Variants in RING1 observed in about 807,000 individuals in gnomAD.
RING1 encodes the protein ring finger protein 1, also known as E3 ubiquitin-protein ligase RING1.
A neutral mutation model predicts 35.0 loss-of-function variants in RING1; 8 were observed. The ratio of observed to expected loss-of-function variants is 0.23; its 90% CI spans 0.13 to 0.41. The LOEUF (loss-of-function observed/expected upper bound fraction) is 0.41, where lower values mean the gene tolerates loss of function less well. RING1 is among the 10% of genes least tolerant of loss of function. The probability of loss-of-function intolerance (pLI) is 1.00; values close to 1 mark genes in which losing one functional copy is unlikely to be tolerated. For missense variants in RING1, 343 were observed against 546.8 expected (o/e 0.63, Z 3.72); for synonymous variants, 214 against 224.3 (o/e 0.95, Z 0.41).
intron 4 of RING1, among the ~76,000 whole-genome samples, chr6:33,210,341 C>T (rs1277488695): frequency 1.3e-5 from 2 of 152,206 alleles, no homozygotes; most frequent in Non-Finnish European, 2.9e-5. Context: ...TGACTCACAT[C>T]TGTAATCCCA....
In RING1 at chr6:33,208,512, C is replaced by T. The variant is rs1775285444; in HGVS notation, c.-191C>T. On this transcript the variant is annotated 5_prime_UTR_variant, in exon 1 of 7. Coordinates refer to ENST00000374656, the MANE Select transcript of RING1 (RefSeq NM_002931.4). This position sits in a 1 kb window ranked among gnomAD's most constrained non-coding sequence, Gnocchi z 6.2. ...AGGCGGAAGTGACGTAGGGCCCCAG[C>T]GCCCGGGCCATGGCGGCGGCGGTGG... is the stretch of plus-strand genomic sequence containing the variant. The T allele has an allele frequency of 4.7e-6, 2 of 422,318 alleles. No homozygotes were observed. Among genetic ancestry groups the T allele is most frequent in the Non-Finnish European group, 8.3e-6 (2 of 241,568 alleles). The allele number at this position is 422,318 out of a possible 1,614,324, so 26.2% of individuals were successfully genotyped here.
chr6:33,211,754 A>G lies in RING1; in HGVS notation c.871A>G (p.Thr291Ala). ...GTATGTGAAGACAACTGGGAATGCC[A>G]CAGTGGACCACCTCTCCAAGTACTT... ...TRYVKTTGNA[T>A]VDHLSKYLAL... is the part of the protein sequence containing the mutation. The change falls in exon 6 of 7, where the codon ACA becomes GCA. Residue 291 changes from threonine (T) to alanine (A), a missense_variant. By Grantham distance (58) the Thr-to-Ala change is moderately conservative (BLOSUM62 0). This residue lies in a region of RING1 where 278 missense variants were observed against 383.5 expected (regional missense o/e 0.72). Transcript: ENST00000374656. The surrounding 1 kb of genome is among the most constrained non-coding windows in gnomAD (Gnocchi z 6.3). 6.4e-7 allele frequency: 1 copy of G among 1,553,778 alleles called. No homozygotes were observed. The highest frequency in any genetic ancestry group is 1.9e-5 in the Admixed American group (1 of 52,640).
At position 33,211,439 on chromosome 6, in the gene RING1, C is replaced by T. The variant is rs1775530041; in HGVS notation, c.737C>T (p.Pro246Leu). The T allele has an allele frequency of 6.3e-7, 1 of 1,583,968 alleles. No homozygotes were observed. The highest frequency in any genetic ancestry group is 1.1e-5 in the South Asian group (1 of 88,578). ...ACTCTGGGAGGGGGAACGCTGGGCC[C>T]CCCAAGCCCTCCTGGGGCCCCCAGC... The part of the protein sequence containing the change: ...GGTLGGGTLG[P>L]PSPPGAPSPP... Residue 246 changes from proline (P) to leucine (L), a missense_variant, in exon 5 of 7, where the codon CCC becomes CTC. Physicochemically the swap from Pro to Leu is moderately conservative, Grantham distance 98 (BLOSUM62 -3). Transcript: ENST00000374656. This position sits in a 1 kb window ranked among gnomAD's most constrained non-coding sequence, Gnocchi z 6.3.
chr6:33,211,461 C>T lies in RING1; in HGVS notation c.759C>T (p.Pro253=). The change falls in exon 5 of 7, where the codon CCC becomes CCT. Residue 253 remains proline, a synonymous_variant. Transcript: ENST00000374656. This position sits in a 1 kb window ranked among gnomAD's most constrained non-coding sequence, Gnocchi z 6.3. ...TLGPPSPPGA[P]SPPEPGGEIE... ...GCCCCCCAAGCCCTCCTGGGGCCCC[C>T]AGCCCCCCAGAGCCAGGTGGAGAAA... The T allele has an allele frequency of 6.2e-7, 1 of 1,600,014 alleles. No individual in the cohort carries two copies. The highest frequency in any genetic ancestry group is 8.5e-7 in the Non-Finnish European group (1 of 1,172,776).
rs1161594357 is a variant in RING1 at position 33,211,976 on chromosome 6, A to G, written c.1093A>G (p.Ile365Val). Residue 365 changes from isoleucine (I) to valine (V), a missense_variant, in exon 6 of 7, where the codon ATC becomes GTC. Coordinates refer to ENST00000374656, the MANE Select transcript of RING1 (RefSeq NM_002931.4). This position sits in a 1 kb window ranked among gnomAD's most constrained non-coding sequence, Gnocchi z 6.3. ...GVSEKQYTIY[I>V]APGGGAFTTL... The stretch of plus-strand genomic sequence containing the variant: ...CAGTGAAAAGCAGTACACCATCTAC[A>G]TCGCACCTGGAGGCGGGGCGTTCAC... 6 of 1,558,052 alleles carry G rather than the reference A, an allele frequency of 3.9e-6. No homozygotes were observed. Among genetic ancestry groups the G allele is most frequent in the East Asian group, 2.3e-5 (1 of 43,106 alleles).
chr6:33,211,873 T>A lies in RING1; in HGVS notation c.990T>A (p.Asp330Glu), dbSNP rs1775562610. 1 of 1,472,960 alleles carries A rather than the reference T, an allele frequency of 6.8e-7. No homozygotes were observed. Among genetic ancestry groups the A allele is most frequent in the African/African-American group, 1.4e-5 (1 of 70,360 alleles). 91.2% of individuals were successfully genotyped at this position (1,472,960 alleles called of 1,614,324 possible). Reference sequence around the variant, plus strand: ...GCGCCTCTGACACCGGAGGACCTGATGGGTGTGGCGGGGAGGGTGGGGGTG... The same window carrying A: ...GCGCCTCTGACACCGGAGGACCTGAAGGGTGTGGCGGGGAGGGTGGGGGTG... ...GGGASDTGGP[D>E]GCGGEGGGAG... Residue 330 changes from aspartate (D) to glutamate (E), a missense_variant, in exon 6 of 7, where the codon GAT becomes GAA. Transcript: ENST00000374656. The surrounding 1 kb of genome is among the most constrained non-coding windows in gnomAD (Gnocchi z 6.3).
chr6:33,208,950 A>C lies in RING1; in HGVS notation c.78+50A>C. ...CTTACCCCCTCCCCCAAACCCTTAT[A>C]TCCACAGACCGCATCACACAGCTTC... On this transcript the variant is annotated intron_variant, in intron 2 of 6. Coordinates refer to ENST00000374656, the MANE Select transcript of RING1 (RefSeq NM_002931.4). This position sits in a 1 kb window ranked among gnomAD's most constrained non-coding sequence, Gnocchi z 6.2. 2.1e-6 allele frequency: 3 copies of C among 1,425,584 alleles called. No homozygotes were observed. Among genetic ancestry groups the C allele is most frequent in the Non-Finnish European group, 2.9e-6 (3 of 1,019,994 alleles). The allele number at this position is 1,425,584 out of a possible 1,614,324, so 88.3% of individuals were successfully genotyped here.
At position 33,211,328 on chromosome 6, in the gene RING1, G is replaced by T. The variant is rs200721333; in HGVS notation, c.626G>T (p.Gly209Val). The T allele has an allele frequency of 1.4e-5, 22 of 1,610,142 alleles. No individual in the cohort carries two copies. Among genetic ancestry groups the T allele is most frequent in the East Asian group, 4.5e-5 (2 of 44,760 alleles). ...APKRPRGGGA[G>V]GSSVGTGGGG... is the part of the protein sequence containing the mutation. ...AAGCGACCCCGTGGAGGGGGCGCAG[G>T]GGGGAGCAGTGTAGGGACAGGGGGA... The change falls in exon 5 of 7, where the codon GGG becomes GTG. Residue 209 changes from glycine to valine, a missense_variant. Around this residue, in one of 2 missense-constraint regions of RING1, gnomAD observed 278 missense variants for 383.5 expected, o/e 0.72. Coordinates refer to ENST00000374656, the MANE Select transcript of RING1 (RefSeq NM_002931.4). This position sits in a 1 kb window ranked among gnomAD's most constrained non-coding sequence, Gnocchi z 6.3.
Position 33,211,656 on chromosome 6 carries a change from T to C in RING1, c.846-73T>C, listed in dbSNP as rs1775545525. ...AAATACCACCCCAACCCAGAATCCA[T>C]TTTGGAAAGCCCCTACCTCCAGTCC... On this transcript the variant is annotated intron_variant, in intron 5 of 6. Transcript: ENST00000374656. The surrounding 1 kb of genome is among the most constrained non-coding windows in gnomAD (Gnocchi z 6.3). The C allele has an allele frequency of 1.9e-6, 3 of 1,538,908 alleles. No individual in the cohort carries two copies. Among genetic ancestry groups the C allele is most frequent in the African/African-American group, 2.8e-5 (2 of 72,320 alleles).
At position 33,211,579 on chromosome 6, in the gene RING1, G is replaced by A. The variant is rs1409074047; in HGVS notation, c.845+32G>A. On this transcript the variant is annotated intron_variant, in intron 5 of 6. Coordinates refer to ENST00000374656, the MANE Select transcript of RING1 (RefSeq NM_002931.4). This position sits in a 1 kb window ranked among gnomAD's most constrained non-coding sequence, Gnocchi z 6.3. ...AGCCCTGTCTTTCCCCAGCCACTGA[G>A]AAACCAAAGATCACCTAGATTTCCA... is the stretch of plus-strand genomic sequence containing the variant. The A allele has an allele frequency of 1.9e-6, 3 of 1,598,478 alleles. No homozygotes were observed. The highest frequency in any genetic ancestry group is 2.6e-6 in the Non-Finnish European group (3 of 1,176,198).
intron 4 of RING1, among the ~76,000 whole-genome samples, chr6:33,210,463 T>C (rs1281957454): frequency 6.6e-6 from 1 of 152,036 alleles, no homozygotes; most frequent in Non-Finnish European, 1.5e-5. Flanking sequence ...TAGCTGGGCA[T>C]GGTGGCACAT....
In RING1 at chr6:33,209,046, T is replaced by C; in HGVS notation, c.78+146T>C. ...AATCACCTTAATCTTTCCAAAGCAC[T>C]TTCGCATTTAGCTCATTTAATCCTC... On this transcript the variant is annotated intron_variant, in intron 2 of 6. Coordinates refer to ENST00000374656, the MANE Select transcript of RING1 (RefSeq NM_002931.4). The surrounding 1 kb of genome is among the most constrained non-coding windows in gnomAD (Gnocchi z 5.1). The C allele has an allele frequency of 1.3e-6, 1 of 750,900 alleles. No homozygotes were observed. The highest frequency in any genetic ancestry group is 2.4e-6 in the Non-Finnish European group (1 of 419,530). 46.5% of individuals were successfully genotyped at this position (750,900 alleles called of 1,614,324 possible).
chr6:33,211,031 A>AGCACAT lies in RING1; in HGVS notation c.456-126_456-121dup. On this transcript the variant is annotated intron_variant, in intron 4 of 6. Transcript: ENST00000374656. This position sits in a 1 kb window ranked among gnomAD's most constrained non-coding sequence, Gnocchi z 6.3. The stretch of plus-strand genomic sequence containing the variant: ...AAAACACTTAGTATACTGAGTGCTT[A>AGCACAT]GCACATTGTGTTTAATAAATATTAG... 1 of 1,077,520 alleles carries AGCACAT rather than the reference A, an allele frequency of 9.3e-7. No homozygotes were observed. Among genetic ancestry groups the AGCACAT allele is most frequent in the Non-Finnish European group, 1.3e-6 (1 of 754,444 alleles). 66.7% of individuals were successfully genotyped at this position (1,077,520 alleles called of 1,614,324 possible).
In RING1 at chr6:33,212,526, A is replaced by C. The variant is rs1374976857; in HGVS notation, c.*127A>C. 6 of 642,150 alleles carry C rather than the reference A, an allele frequency of 9.3e-6. No homozygotes were observed. In the East Asian group the frequency reaches 1.4e-4, roughly 15 times the overall value. 39.8% of individuals were successfully genotyped at this position (642,150 alleles called of 1,614,324 possible). ...CCAATAAGAGGACACAAATGAGGAC[A>C]CGTGGCTTTTATACAAAGTATCTAT... On this transcript the variant is annotated 3_prime_UTR_variant, in exon 7 of 7. Transcript: ENST00000374656.
intron 4 of RING1, among the ~76,000 whole-genome samples, chr6:33,210,462 A>C (rs1775441139): frequency 6.6e-6 from 1 of 152,108 alleles, no homozygotes. Flanking sequence ...TTAGCTGGGC[A>C]TGGTGGCACA....
Position 33,212,018 on chromosome 6 carries a change from G to A in RING1, c.1119+16G>A. On this transcript the variant is annotated intron_variant, in intron 6 of 6. Transcript: ENST00000374656. ...GGCGTTCACGGTGAGAGCTTCTGAG[G>A]GCAGTGGTAGAAGAGGGGAGAGGAG... 6.6e-7 allele frequency: 1 copy of A among 1,508,156 alleles called. No homozygotes were observed. Among genetic ancestry groups the A allele is most frequent in the Non-Finnish European group, 8.9e-7 (1 of 1,123,544 alleles). 93.4% of individuals were successfully genotyped at this position (1,508,156 alleles called of 1,614,324 possible).
chr6:33,208,676 CGGGGGCGGAGA>C lies in RING1; in HGVS notation c.-59+37_-59+47del. 1.6e-6 allele frequency: 1 copy of C among 631,108 alleles called. No individual in the cohort carries two copies. Among genetic ancestry groups the C allele is most frequent in the Non-Finnish European group, 2.6e-6 (1 of 380,434 alleles). 39.1% of individuals were successfully genotyped at this position (631,108 alleles called of 1,614,324 possible). On this transcript the variant is annotated intron_variant, in intron 1 of 6. Transcript: ENST00000374656. The surrounding 1 kb of genome is among the most constrained non-coding windows in gnomAD (Gnocchi z 6.2). ...GGCAGTGCCGGCGCGGGGGCGGGAG[CGGGGGCGGAGA>C]GGGGCGCTTCTGGAGGGGCGGGGTC... is the stretch of plus-strand genomic sequence containing the variant.
Position 33,209,950 on chromosome 6 carries a change from T to G in RING1, c.275T>G (p.Val92Gly). 6.2e-7 allele frequency: 1 copy of G among 1,614,166 alleles called. No individual in the cohort carries two copies. Among genetic ancestry groups the G allele is most frequent in the Non-Finnish European group, 8.5e-7 (1 of 1,180,032 alleles). Residue 92 changes from valine to glycine, a missense_variant, in exon 4 of 7, where the codon GTG becomes GGG. Around this residue, in one of 2 missense-constraint regions of RING1, gnomAD observed 65 missense variants for 163.3 expected, o/e 0.40. Transcript: ENST00000374656. The surrounding 1 kb of genome is among the most constrained non-coding windows in gnomAD (Gnocchi z 5.1). ...TGTCCTACCTGCCGAAAGAAGCTGG[T>G]GTCCAAGCGATCCCTACGGCCAGAC... Reference protein sequence around the residue: ...KECPTCRKKLVSKRSLRPDPN... With the variant: ...KECPTCRKKLGSKRSLRPDPN...
At position 33,211,712 on chromosome 6, in the gene RING1, C is replaced by G; in HGVS notation, c.846-17C>G. The stretch of plus-strand genomic sequence containing the variant: ...TGAGGCGCTCTGGCTCTAAGCCTGT[C>G]CTCCCTCCCATTCCAGGTATGTGAA... On this transcript the variant is annotated splice_polypyrimidine_tract_variant and intron_variant, in intron 5 of 6. Transcript: ENST00000374656. The surrounding 1 kb of genome is among the most constrained non-coding windows in gnomAD (Gnocchi z 6.3). 1 of 1,536,006 alleles carries G rather than the reference C, an allele frequency of 6.5e-7. No individual in the cohort carries two copies. The highest frequency in any genetic ancestry group is 8.8e-7 in the Non-Finnish European group (1 of 1,141,552).
Sources: gnomAD v4.1 joint callset for allele counts (sites outside exome capture counted in the v4.1 genomes callset) on GRCh38, gnomAD v4.1.1 for gene constraint, gnomAD v4.1.1 regional missense constraint, Gnocchi (gnomAD v3.1) non-coding constraint, MANE v1.5 for transcripts, NCBI Gene and HGNC (gene_info 2026-07-23, HGNC 2026-07-21) for gene names.